The following CRYBG1 variants were observed in gnomAD, a reference collection of about 807,000 sequenced individuals.
CRYBG1 encodes beta/gamma crystallin domain-containing protein 1.
CRYBG1 carries 139 observed loss-of-function variants against 189.2 expected under a neutral mutation model. The observed-to-expected ratio is 0.73, with a 90% CI of 0.64 to 0.85. The LOEUF (loss-of-function observed/expected upper bound fraction) is 0.85. CRYBG1 is among the 40% of genes least tolerant of loss of function. CRYBG1 has a pLI of 0.00. For synonymous variants in CRYBG1, 1,023 were observed against 1,017.1 expected, an observed-to-expected ratio of 1.01 and a Z score of -0.11; for missense variants, 2,611 against 2,675.8, an observed-to-expected ratio of 0.98 and a Z score of 0.53.
At chr6:106,364,942 T>C (rs1232156262) in intron 1 of CRYBG1, among the ~76,000 whole-genome samples, 5 of 152,118 alleles carry the variant, frequency 3.3e-5, no homozygotes, top group Admixed American at 1.3e-4. Context: ...AGAACAGTGG[T>C]TGGCACATAG....
At chr6:106,453,521 A>G (rs905416540) in intron 2 of CRYBG1, among the ~76,000 whole-genome samples, 1 of 152,186 alleles carries the variant, frequency 6.6e-6, no homozygotes, top group Non-Finnish European at 1.5e-5. Context: ...GGGAAAAAAA[A>G]CCCTGATAAA....
chr6:106,564,332 C>T (rs1196761566), intron 21 of CRYBG1, among the ~76,000 whole-genome samples: 1 of 152,128 alleles, frequency 6.6e-6, no homozygotes, highest in Admixed American at 6.5e-5. Context: ...GCTGAAAGGC[C>T]GTGATTGCAC....
At chr6:106,396,008 C>G (rs1310239602) in intron 1 of CRYBG1, among the ~76,000 whole-genome samples, 1 of 152,044 alleles carries the variant, frequency 6.6e-6, no homozygotes, top group African/African-American at 2.4e-5. Flanking sequence ...GTCTTATTTC[C>G]AGCTCTCTGC....
chr6:106,374,641 G>C (rs1770111143), intron 1 of CRYBG1, among the ~76,000 whole-genome samples: 1 of 152,200 alleles, frequency 6.6e-6, no homozygotes, highest in Non-Finnish European at 1.5e-5. Context: ...TATAATTCTT[G>C]AGTGTAATTG....
At position 106,571,947 on chromosome 6, in the gene CRYBG1, A is replaced by G. The variant is rs112204349; in HGVS notation, c.*3381A>G. 1.8e-5 allele frequency: 26 copies of G among 1,408,606 alleles called. No individual in the cohort carries two copies. The African/African-American group carries it at 2.6e-4, about 14-fold the overall frequency. The allele number at this position is 1,408,606 out of a possible 1,614,324, so 87.3% of individuals were successfully genotyped here. ...TGGCTAGAAAAAAATTTGGGCTCACAGGCACTCACCAAATAAGAACGTCAA... is the reference window on the plus strand; with the variant it reads ...TGGCTAGAAAAAAATTTGGGCTCACGGGCACTCACCAAATAAGAACGTCAA... On this transcript the variant is annotated 3_prime_UTR_variant, in exon 22 of 22. Coordinates refer to ENST00000633556, the MANE Select transcript of CRYBG1 (RefSeq NM_001371242.2).
intron 1 of CRYBG1, among the ~76,000 whole-genome samples, chr6:106,381,813 C>T (rs1770295445): frequency 6.6e-6 from 1 of 152,200 alleles, no homozygotes; most frequent in Non-Finnish European, 1.5e-5. Flanking sequence ...TCCTGCTAGC[C>T]AGAAAGCCCC....
intron 2 of CRYBG1, among the ~76,000 whole-genome samples, chr6:106,507,049 T>G (rs1773145651): frequency 6.6e-6 from 1 of 152,200 alleles, no homozygotes; most frequent in Non-Finnish European, 1.5e-5. Context: ...AGTAGGAATA[T>G]ATAGTAGTAT....
At chr6:106,465,673 A>G (rs552959246) in intron 2 of CRYBG1, among the ~76,000 whole-genome samples, 24 of 152,346 alleles carry the variant, frequency 1.6e-4, no homozygotes, top group Middle Eastern at 6.8e-3. Context: ...CACCTCTAGT[A>G]TCTAAGATTT....
intron 1 of CRYBG1, among the ~76,000 whole-genome samples, chr6:106,387,983 C>T (rs1357635784): frequency 6.6e-6 from 1 of 152,158 alleles, no homozygotes; most frequent in Admixed American, 6.6e-5. Context: ...ATTTATTGAG[C>T]CATGAGTGTG....
Position 106,543,591 on chromosome 6 carries a change from G to A in CRYBG1, c.5033G>A (p.Arg1678Lys). 6.2e-7 allele frequency: 1 copy of A among 1,613,686 alleles called. No individual in the cohort carries two copies. Residue 1678 changes from arginine to lysine, a missense_variant, in exon 11 of 22, where the codon AGA becomes AAA. By Grantham distance (26) the Arg-to-Lys change is conservative. Around this residue, in one of 3 missense-constraint regions of CRYBG1, gnomAD observed 1,622 missense variants for 1,735.0 expected, o/e 0.93. Coordinates refer to ENST00000633556, the MANE Select transcript of CRYBG1 (RefSeq NM_001371242.2). Reference protein sequence around the residue: ...FTSVGSMKVLRGIWVAYEKPG... With the variant: ...FTSVGSMKVLKGIWVAYEKPG... The stretch of plus-strand genomic sequence containing the variant: ...TCAGTGGGGTCTATGAAAGTTCTAA[G>A]AGGCATGTAAGTACATGGGTGACTT...
intron 2 of CRYBG1, among the ~76,000 whole-genome samples, chr6:106,470,623 A>G (rs1435696332): frequency 6.6e-6 from 1 of 152,198 alleles, no homozygotes; most frequent in Non-Finnish European, 1.5e-5. Context: ...AGATGAGTCT[A>G]GAGCAGGAAC....
rs767373942 is a variant in CRYBG1 at position 106,530,162 on chromosome 6, C to T, written c.4579-14C>T. 2.5e-6 allele frequency: 4 copies of T among 1,601,852 alleles called. No individual in the cohort carries two copies. The highest frequency in any genetic ancestry group is 3.4e-6 in the Non-Finnish European group (4 of 1,172,690). ...GGTGCAATTCTTACTATCTATGCAT[C>T]TATATTTTTTCAGGATTACAGAGTT... On this transcript the variant is annotated splice_polypyrimidine_tract_variant and intron_variant, in intron 7 of 21. Coordinates refer to ENST00000633556, the MANE Select transcript of CRYBG1 (RefSeq NM_001371242.2).
chr6:106,363,317 C>A (rs1771917877), intron 1 of CRYBG1, among the ~76,000 whole-genome samples: 1 of 150,610 alleles, frequency 6.6e-6, no homozygotes, highest in South Asian at 2.1e-4. Context: ...TATTTTAGTG[C>A]AGTCTTGAAA....
intron 1 of CRYBG1, among the ~76,000 whole-genome samples, chr6:106,423,858 C>T (rs1251177856): frequency 1.3e-5 from 2 of 151,922 alleles, no homozygotes; most frequent in Admixed American, 6.6e-5. Flanking sequence ...GCCCACACCA[C>T]CATGCCTGGC....
intron 19 of CRYBG1, 118 bp from the exon 20 acceptor site, chr6:106,561,224 G>C: frequency 8.6e-7 from 1 of 1,160,666 alleles, no homozygotes; most frequent in South Asian, 1.6e-5. Context: ...TGAGACTCTT[G>C]AGTATGGTAA....
At chr6:106,436,568 A>AC (rs1771462809) in intron 1 of CRYBG1, among the ~76,000 whole-genome samples, 1 of 149,000 alleles carries the variant, frequency 6.7e-6, no homozygotes, top group Non-Finnish European at 1.5e-5. Flanking sequence ...TGCTGAGATT[A>AC]AGGCGTGAGC....
rs1023743988 is a variant in CRYBG1, at chr6:106,531,244, G to A, written c.4718+929G>A. Among the ~76,000 whole-genome samples, 72 of 152,300 alleles carry A rather than the reference G, an allele frequency of 4.7e-4. 2 individuals carry two copies. The highest frequency in any genetic ancestry group is 3.7e-3 in the Admixed American group (56 of 15,294). On this transcript the variant is annotated intron_variant, in intron 8 of 21. Coordinates refer to ENST00000633556, the MANE Select transcript of CRYBG1 (RefSeq NM_001371242.2). ...GAAAAATAATTTGCTTGTGTAAAAG[G>A]TAGGAATAGGATAAATTACAGATCA...
chr6:106,464,184 C>G (rs1451112103), intron 2 of CRYBG1, among the ~76,000 whole-genome samples: 1 of 152,120 alleles, frequency 6.6e-6, no homozygotes, highest in Non-Finnish European at 1.5e-5. Context: ...TTCTTGACTT[C>G]AAACAAAGAT....
intron 2 of CRYBG1, among the ~76,000 whole-genome samples, chr6:106,483,684 C>A (rs201814318): frequency 8.3e-6 from 1 of 120,250 alleles, no homozygotes; most frequent in Admixed American, 1.1e-4. Context: ...CACTTGTTTT[C>A]TTTTATCTTT....
Sources: allele counts gnomAD v4.1 joint callset (sites outside exome capture counted in the v4.1 genomes callset), GRCh38; gene constraint gnomAD v4.1.1; regional missense constraint gnomAD v4.1.1; transcripts MANE v1.5; gene names NCBI Gene and HGNC (gene_info 2026-07-23, HGNC 2026-07-21).